Variants in AGRN observed in about 807,000 individuals in gnomAD.
AGRN encodes the protein agrin proteoglycan.
AGRN carries 106 observed loss-of-function variants against 211.0 expected under a neutral mutation model. The observed-to-expected ratio is 0.50, with a 90% CI of 0.43 to 0.59. AGRN has a LOEUF of 0.59. AGRN is among the 20% of genes least tolerant of loss of function. The pLI, the probability that AGRN is intolerant of heterozygous loss-of-function variation, is 0.00. For missense variants in AGRN, 3,040 were observed against 2,982.6 expected, an observed-to-expected ratio of 1.02 and a Z score of -0.45; for synonymous variants, 1,525 against 1,332.5, an observed-to-expected ratio of 1.14 and a Z score of -3.15.
chr1:1,056,092 GAAAT>G lies in AGRN; in HGVS notation c.*1115_*1118del, dbSNP rs1645442796. ...AGTATGTTTCTGTGTCAATCGCTGTGAAATAAAGTCTGAAAACTTTAAAAGCATT... is the reference window on the plus strand; with the variant it reads ...AGTATGTTTCTGTGTCAATCGCTGTGAAAGTCTGAAAACTTTAAAAGCATT... On this transcript the variant is annotated 3_prime_UTR_variant, in exon 36 of 36. Transcript: ENST00000379370. The G allele has an allele frequency of 6.6e-6, 1 of 152,374 alleles. No individual in the cohort carries two copies. Among genetic ancestry groups the G allele is most frequent in the Admixed American group, 6.5e-5 (1 of 15,292 alleles). 9.4% of individuals were successfully genotyped at this position (152,374 alleles called of 1,614,324 possible).
At position 1,043,544 on chromosome 1, in the gene AGRN, G is replaced by A. The variant is rs1210743694; in HGVS notation, c.1610G>A (p.Cys537Tyr). The A allele has an allele frequency of 6.2e-7, 1 of 1,604,268 alleles. No homozygotes were observed. Among genetic ancestry groups the A allele is most frequent in the African/African-American group, 1.3e-5 (1 of 75,024 alleles). ...GATGGAAGCTCCTCCCCAGACCGCT[G>A]CGGGCAGTGCCGCTTTGGAGCCCTG... ...QVARKGPCDR[C>Y]GQCRFGALCE... The change falls in exon 9 of 36, where the codon TGC becomes TAC. Residue 537 changes from cysteine (C) to tyrosine (Y), a missense_variant. Physicochemically the swap from Cys to Tyr is radical, Grantham distance 194. Around this residue, in one of 3 missense-constraint regions of AGRN, gnomAD observed 1,498 missense variants for 1,457.8 expected, o/e 1.03. Transcript: ENST00000379370.
At position 1,053,862 on chromosome 1, in the gene AGRN, C is replaced by A. The variant is rs766112771; in HGVS notation, c.5761C>A (p.Leu1921Met). ...CACGGAGCGGGCAGACTATGTGGCACTGGCCATTGTGGACGGGCACCTGCA... is the reference window on the plus strand; with the variant it reads ...CACGGAGCGGGCAGACTATGTGGCAATGGCCATTGTGGACGGGCACCTGCA... ...KATERADYVALAIVDGHLQLS... is the reference protein window; with the variant it reads ...KATERADYVAMAIVDGHLQLS... The change falls in exon 34 of 36, where the codon CTG becomes ATG. Residue 1921 changes from leucine (L) to methionine (M), a missense_variant. This residue lies in a region of AGRN where 1,537 missense variants were observed against 1,505.0 expected (regional missense o/e 1.02). Coordinates refer to ENST00000379370, the MANE Select transcript of AGRN (RefSeq NM_198576.4). The A allele has an allele frequency of 1.2e-6, 2 of 1,610,314 alleles. No individual in the cohort carries two copies. Among genetic ancestry groups the A allele is most frequent in the East Asian group, 4.5e-5 (2 of 44,816 alleles).
At chr1:1,039,095 G>C (rs909279883) in intron 3 of AGRN, among the ~76,000 whole-genome samples, 1 of 152,236 alleles carries the variant, frequency 6.6e-6, no homozygotes, top group African/African-American at 2.4e-5. Flanking sequence ...CACCGAAGGG[G>C]ATACTGAGGC....
At position 1,049,049 on chromosome 1, in the gene AGRN, G is replaced by A. The variant is rs770310570; in HGVS notation, c.4288G>A (p.Val1430Met). The A allele has an allele frequency of 4.5e-6, 7 of 1,556,974 alleles. No homozygotes were observed. The highest frequency in any genetic ancestry group is 2.4e-5 in the South Asian group (2 of 84,646). Residue 1430 changes from valine to methionine, a missense_variant, in exon 24 of 36, where the codon GTG (valine) becomes ATG (methionine). This residue lies in a region of AGRN where 1,537 missense variants were observed against 1,505.0 expected (regional missense o/e 1.02). Coordinates refer to ENST00000379370, the MANE Select transcript of AGRN (RefSeq NM_198576.4). The part of the protein sequence containing the change: ...FLALALLDGR[V>M]QLRFDTGSGP... ...GGCATTGGCGCTGCTAGATGGCCGCGTGCAGCTCAGGTGGGCGGGGAGGGG... is the reference window on the plus strand; with the variant it reads ...GGCATTGGCGCTGCTAGATGGCCGCATGCAGCTCAGGTGGGCGGGGAGGGG...
At chr1:1,051,704 C>T (rs1645297396) in intron 32 of AGRN, 24 bp from the exon 33 acceptor site, 1 of 1,613,250 alleles carries the variant, frequency 6.2e-7, no homozygotes, top group African/African-American at 1.3e-5. Flanking sequence ...CACGAGGCCC[C>T]ACCCTCACCT....
Position 1,051,463 on chromosome 1 carries a change from G to A in AGRN, c.5381G>A (p.Gly1794Glu). The A allele has an allele frequency of 6.4e-7, 1 of 1,560,170 alleles. No homozygotes were observed. The highest frequency in any genetic ancestry group is 8.6e-7 in the Non-Finnish European group (1 of 1,157,610). The change falls in exon 32 of 36, where the codon GGA becomes GAA. Residue 1794 changes from glycine (G) to glutamate (E), a missense_variant. Gly to Glu is a moderately conservative substitution (Grantham distance 98). This residue lies in a region of AGRN where 1,537 missense variants were observed against 1,505.0 expected (regional missense o/e 1.02). Coordinates refer to ENST00000379370, the MANE Select transcript of AGRN (RefSeq NM_198576.4). ...CACCCTGCCCTGCAGGTCTCCCTCG[G>A]AGGCCGCCAGCTGCTGACCCCGGAG... ...FDGAIQLVSL[G>E]GRQLLTPEHV...
chr1:1,036,078 C>T (rs1363818873), intron 3 of AGRN, among the ~76,000 whole-genome samples: 1 of 152,038 alleles, frequency 6.6e-6, no homozygotes, highest in East Asian at 1.9e-4. Context: ...TGCCCCATCA[C>T]TGGGTCTCAC....
At chr1:1,054,046 TC>T in intron 34 of AGRN, 69 bp downstream of exon 34, 1 of 1,494,326 alleles carries the variant, frequency 6.7e-7, no homozygotes, top group Non-Finnish European at 9.1e-7. Flanking sequence ...CTGGGCTGTG[TC>T]CAGTCACTTG....
rs892108434 is a variant in AGRN, at chr1:1,049,309, G to C, written c.4372G>C (p.Glu1458Gln). The C allele has an allele frequency of 1.3e-6, 2 of 1,597,536 alleles. No homozygotes were observed. The highest frequency in any genetic ancestry group is 2.7e-5 in the African/African-American group (2 of 74,780). The stretch of plus-strand genomic sequence containing the variant: ...AGAGCCGGGCCAGTGGCACCGCCTG[G>C]AGCTGTCCCGGCACTGGCGCCGGGG... ...PVEPGQWHRL[E>Q]LSRHWRRGTL... Residue 1458 changes from glutamate to glutamine, a missense_variant, in exon 25 of 36, where the codon GAG (glutamate) becomes CAG (glutamine). Coordinates refer to ENST00000379370, the MANE Select transcript of AGRN (RefSeq NM_198576.4).
intron 4 of AGRN, 24 bp downstream of exon 4, chr1:1,040,904 TGGGGCG>T: frequency 7.5e-7 from 1 of 1,340,670 alleles, no homozygotes; most frequent in Non-Finnish European, 9.5e-7. Flanking sequence ...GGCCGGTGCC[TGGGGCG>T]GGGAGGGGCG....
rs762750306 is a variant in AGRN at position 1,045,174 on chromosome 1, C to T, written c.2268C>T (p.Ala756=). ...AQGACRGPTF[A]PLPPVAPLHC... is the part of the protein sequence containing the mutation. ...CCTTTCCTGCAGGCCCCACCTTCGC[C>T]CCGCTGCCGCCTGTGGCCCCCTTAC... The change falls in exon 13 of 36, where the codon GCC becomes GCT. Residue 756 remains alanine, a synonymous_variant. Transcript: ENST00000379370. 6.2e-7 allele frequency: 1 copy of T among 1,612,398 alleles called. No individual in the cohort carries two copies. The highest frequency in any genetic ancestry group is 8.5e-7 in the Non-Finnish European group (1 of 1,179,964).
At chr1:1,022,834 G>C (rs1237014097) in intron 2 of AGRN, among the ~76,000 whole-genome samples, 1 of 152,278 alleles carries the variant, frequency 6.6e-6, no homozygotes, top group Admixed American at 6.5e-5. Context: ...CCTCCGTCTA[G>C]ACGGGCCCGC....
At chr1:1,050,876 C>T in intron 30 of AGRN, 39 bp downstream of exon 30, 2 of 1,527,950 alleles carry the variant, frequency 1.3e-6, no homozygotes, top group Non-Finnish European at 1.8e-6. Context: ...CCGCTGCTGC[C>T]TGCTCTTCCT....
chr1:1,049,401 C>G lies in AGRN; in HGVS notation c.4464C>G (p.Asn1488Lys). 1 of 1,599,074 alleles carries G rather than the reference C, an allele frequency of 6.3e-7. No individual in the cohort carries two copies. The change falls in exon 25 of 36, where the codon AAC becomes AAG. Residue 1488 changes from asparagine to lysine, a missense_variant. Transcript: ENST00000379370. ...GTCCCAGTGGCACCGACGGCCTCAA[C>G]CTGGACACAGACCTCTTTGTGGGCG... Reference protein sequence around the residue: ...GESPSGTDGLNLDTDLFVGGV... With the variant: ...GESPSGTDGLKLDTDLFVGGV...
chr1:1,028,320 G>GCCCCCCCCCCCCC (rs77046272), intron 2 of AGRN, among the ~76,000 whole-genome samples: 6 of 105,088 alleles, frequency 5.7e-5, no homozygotes, highest in African/African-American at 2.0e-4. Flanking sequence ...GTGGGGAAAC[G>GCCCCCCCCCCCCC]CCCCCCCCCC....
chr1:1,049,637 G>GC lies in AGRN; in HGVS notation c.4588dup (p.Leu1530ProfsTer59). ...CGTTTGCTGGACGTCAACAACCAGCGCCTGGAGCTTGGCATTGGGCCGGGG... is the reference window on the plus strand; with the variant it reads ...CGTTTGCTGGACGTCAACAACCAGCGCCCTGGAGCTTGGCATTGGGCCGGGG... On this transcript the variant is annotated frameshift_variant, in exon 26 of 36. Transcript: ENST00000379370. LOFTEE classifies it high-confidence loss of function. The GC allele has an allele frequency of 6.3e-7, 1 of 1,588,058 alleles. No homozygotes were observed. The highest frequency in any genetic ancestry group is 8.6e-7 in the Non-Finnish European group (1 of 1,168,288).
intron 7 of AGRN, 76 bp downstream of exon 7, chr1:1,042,238 C>T (rs1430147297): frequency 3.4e-6 from 5 of 1,478,102 alleles, no homozygotes; most frequent in African/African-American, 1.4e-5. Context: ...CACATGCCAT[C>T]TTCATCCATC....
Position 1,046,880 on chromosome 1 carries a change from C to T in AGRN, c.3311C>T (p.Ser1104Phe). The change falls in exon 19 of 36, where the codon TCC (serine) becomes TTC (phenylalanine). Residue 1104 changes from serine (S) to phenylalanine (F), a missense_variant. By Grantham distance (155) the Ser-to-Phe change is radical. This residue lies in a region of AGRN where 1,537 missense variants were observed against 1,505.0 expected (regional missense o/e 1.02). Transcript: ENST00000379370. ...CCTGGGCCACCTGTCGAGAGGGCTT[C>T]CTGCTACAACTCCGCGTTGGGCTGC... ...ATPGPPVERA[S>F]CYNSALGCCS... 6.3e-7 allele frequency: 1 copy of T among 1,586,978 alleles called. No homozygotes were observed. The highest frequency in any genetic ancestry group is 2.3e-5 in the East Asian group (1 of 43,930).
intron 24 of AGRN, 41 bp downstream of exon 24, chr1:1,049,100 CG>C: frequency 3.9e-6 from 2 of 514,372 alleles, no homozygotes; most frequent in Non-Finnish European, 5.7e-6. Context: ...CTCAGGTGGG[CG>C]GGGAGGGGAC....
Sources: allele counts gnomAD v4.1 joint callset (sites outside exome capture counted in the v4.1 genomes callset), GRCh38; gene constraint gnomAD v4.1.1; regional missense constraint gnomAD v4.1.1; transcripts MANE v1.5; gene names NCBI Gene and HGNC (gene_info 2026-07-23, HGNC 2026-07-21).